N4BP2L1: variants seen among roughly 807,000 people sequenced by gnomAD.
N4BP2L1 encodes NEDD4-binding protein 2-like 1.
N4BP2L1 carries 12 observed loss-of-function variants against 21.2 expected under a neutral mutation model. The ratio of observed to expected loss-of-function variants is 0.57; its 90% CI spans 0.36 to 0.92. N4BP2L1 has a LOEUF of 0.92. Ranked by LOEUF, N4BP2L1 falls within the 40% of genes least tolerant of loss-of-function variation. The pLI is 0.01. For missense variants in N4BP2L1, 259 were observed against 310.6 expected (o/e 0.83, Z 1.25); for synonymous variants, 104 against 112.8 (o/e 0.92, Z 0.49).
At chr13:32,424,893 TA>T (rs1414313903) in intron 1 of N4BP2L1, 1 of 152,194 alleles carries the variant, frequency 6.6e-6, no homozygotes, top group Non-Finnish European at 1.5e-5. Flanking sequence ...CACAGAAATC[TA>T]ACATTGATTT....
At chr13:32,420,573 T>G (rs2074414342) in intron 1 of N4BP2L1, 1 of 152,246 alleles carries the variant, frequency 6.6e-6, no homozygotes, top group South Asian at 2.1e-4. Flanking sequence ...TCAAACATTT[T>G]CACCTGCAAC....
intron 3 of N4BP2L1, 25 bp downstream of exon 3, chr13:32,407,225 A>G: frequency 5.6e-6 from 9 of 1,608,358 alleles, no homozygotes; most frequent in Non-Finnish European, 7.7e-6. Context: ...CATAACTGAA[A>G]ATTCAGAATG....
Position 32,407,234 on chromosome 13 carries a change from T to A in N4BP2L1, c.396+16A>T. ...AATGTCCATAACTGAAAATTCAGAATGATACTTCTTCCTACCATGACTGCA... is the reference window on the plus strand; with the variant it reads ...AATGTCCATAACTGAAAATTCAGAAAGATACTTCTTCCTACCATGACTGCA... On this transcript the variant is annotated intron_variant, in intron 3 of 4. Coordinates refer to ENST00000380130, the MANE Select transcript of N4BP2L1 (RefSeq NM_052818.3). The A allele has an allele frequency of 6.2e-7, 1 of 1,611,932 alleles. No individual in the cohort carries two copies. The highest frequency in any genetic ancestry group is 1.3e-5 in the African/African-American group (1 of 75,000).
intron 1 of N4BP2L1, among the ~76,000 whole-genome samples, chr13:32,421,314 A>C (rs2074464408): frequency 6.6e-6 from 1 of 152,240 alleles, no homozygotes. Context: ...GCCAAGGTAC[A>C]AGGCAACAAA....
intron 1 of N4BP2L1, chr13:32,419,498 C>A (rs1171276357): frequency 3.2e-6 from 1 of 308,384 alleles, no homozygotes; most frequent in Non-Finnish European, 6.1e-6. Flanking sequence ...TCTTGAACTC[C>A]TGACTTCAGG....
intron 1 of N4BP2L1, among the ~76,000 whole-genome samples, chr13:32,422,648 T>C (rs969137615): frequency 6.6e-6 from 1 of 152,210 alleles, no homozygotes; most frequent in African/African-American, 2.4e-5. Flanking sequence ...CTGGGCAATC[T>C]TTCCTGATAC....
rs2073610239 is a variant in N4BP2L1, at chr13:32,407,679, G to A, written c.273C>T (p.Phe91=). The A allele has an allele frequency of 6.2e-7, 1 of 1,613,850 alleles. No homozygotes were observed. Among genetic ancestry groups the A allele is most frequent in the African/African-American group, 1.3e-5 (1 of 74,898 alleles). The change falls in exon 2 of 5, where the codon TTC becomes TTT. Residue 91 remains phenylalanine (F), a synonymous_variant. Transcript: ENST00000380130. Reference sequence around the variant, plus strand: ...GGTTCCATTCATGAGCTTCCTCCAGGAAGTCAGGATTGAACTCATAGGCAC... The same window carrying A: ...GGTTCCATTCATGAGCTTCCTCCAGAAAGTCAGGATTGAACTCATAGGCAC... ...EDGAYEFNPD[F]LEEAHEWNQK... is the part of the protein sequence containing the mutation.
intron 1 of N4BP2L1, among the ~76,000 whole-genome samples, chr13:32,413,616 T>C (rs2073975784): frequency 6.6e-6 from 1 of 152,070 alleles, no homozygotes; most frequent in South Asian, 2.1e-4. Context: ...TATTAACTAA[T>C]ATGGGGGACA....
intron 1 of N4BP2L1, chr13:32,420,694 A>T (rs2074421247): frequency 6.6e-6 from 1 of 151,054 alleles, no homozygotes; most frequent in Non-Finnish European, 1.5e-5. Context: ...ATTCTTTTTT[A>T]TTTATTTTAT....
intron 1 of N4BP2L1, chr13:32,411,403 A>G (rs1238445126): frequency 2.1e-6 from 1 of 478,514 alleles, no homozygotes; most frequent in East Asian, 1.5e-4. Context: ...TAAATGTTAA[A>G]TTAGCACTAG....
chr13:32,417,270 A>T (rs1268523842), intron 1 of N4BP2L1, among the ~76,000 whole-genome samples: 1 of 152,186 alleles, frequency 6.6e-6, no homozygotes, highest in Non-Finnish European at 1.5e-5. Context: ...AGTTCCCATA[A>T]TCCCCATGTG....
At chr13:32,406,056 C>T (rs1593232471) in intron 3 of N4BP2L1, among the ~76,000 whole-genome samples, 2 of 151,792 alleles carry the variant, frequency 1.3e-5, no homozygotes, top group Non-Finnish European at 2.9e-5. Context: ...GCGCCTGCCA[C>T]CACGCCCGGC....
At chr13:32,406,506 G>A (rs2073517123) in intron 3 of N4BP2L1, 1 of 151,474 alleles carries the variant, frequency 6.6e-6, no homozygotes, top group African/African-American at 2.4e-5. Flanking sequence ...TTTCACTCTT[G>A]TCACCCAGGC....
At chr13:32,425,543 T>C (rs1242292756) in intron 1 of N4BP2L1, 1 of 138,718 alleles carries the variant, frequency 7.2e-6, no homozygotes, top group African/African-American at 2.8e-5. Context: ...TATATAGCAC[T>C]TTAAGTTTAA....
In N4BP2L1 at chr13:32,402,366, C is replaced by T. The variant is rs535677728; in HGVS notation, c.*576G>A. 5.9e-6 allele frequency: 4 copies of T among 674,088 alleles called. No homozygotes were observed. The East Asian group carries it at 5.5e-4, about 92-fold the overall frequency. 41.8% of individuals were successfully genotyped at this position (674,088 alleles called of 1,614,324 possible). ...TCATTAAAATAAAGAAATAACTTCC[C>T]AAAGTGTCTACTTTGAAGGACAATG... On this transcript the variant is annotated 3_prime_UTR_variant, in exon 5 of 5. Transcript: ENST00000380130.
intron 1 of N4BP2L1, among the ~76,000 whole-genome samples, chr13:32,412,582 G>A (rs755158340): frequency 2.0e-5 from 3 of 150,246 alleles, no homozygotes; most frequent in Admixed American, 6.6e-5. Context: ...AGCCAAGACC[G>A]TGCCACTACA....
chr13:32,412,438 C>A (rs2073911371), intron 1 of N4BP2L1, among the ~76,000 whole-genome samples: 2 of 151,296 alleles, frequency 1.3e-5, no homozygotes, highest in Non-Finnish European at 3.0e-5. Context: ...ACCAGCCTGG[C>A]CAACACGGCA....
chr13:32,423,000 C>T (rs1375549994), intron 1 of N4BP2L1, among the ~76,000 whole-genome samples: 1 of 152,112 alleles, frequency 6.6e-6, no homozygotes, highest in Non-Finnish European at 1.5e-5. Flanking sequence ...AAGAAACACA[C>T]CACAGTCCAG....
chr13:32,424,463 GC>G (rs1296215141), intron 1 of N4BP2L1, among the ~76,000 whole-genome samples: 2 of 152,194 alleles, frequency 1.3e-5, no homozygotes, highest in Non-Finnish European at 2.9e-5. Flanking sequence ...ACAGCAGTGG[GC>G]TGATTATGTC....
Sources: allele counts gnomAD v4.1 joint callset (sites outside exome capture counted in the v4.1 genomes callset), GRCh38; gene constraint gnomAD v4.1.1; transcripts MANE v1.5; gene names NCBI Gene and HGNC (gene_info 2026-07-23, HGNC 2026-07-21).